Variants in TMPRSS9 observed in about 807,000 individuals in gnomAD.
TMPRSS9 encodes the protein transmembrane serine protease 9.
Under a neutral mutation model 111.4 loss-of-function variants are expected in TMPRSS9, and 113 were observed. That is an observed-to-expected ratio of 1.01 (90% CI 0.87 to 1.19). The LOEUF is 1.19. Ranked by LOEUF, TMPRSS9 falls within the 50% of genes most tolerant of loss-of-function variation. The pLI is 0.00. For missense variants in TMPRSS9, 1,803 were observed against 1,513.1 expected, an observed-to-expected ratio of 1.19 and a Z score of -3.18; for synonymous variants, 805 against 659.1, an observed-to-expected ratio of 1.22 and a Z score of -3.39.
At chr19:2,386,194 C>T (rs1970471155), upstream of TMPRSS9, among the ~76,000 whole-genome samples, 1 of 152,142 alleles carries the variant, frequency 6.6e-6, no homozygotes, top group South Asian at 2.1e-4. Flanking sequence ...AAGCGATTGT[C>T]CTGCCGCGGC....
chr19:2,362,649 T>C lies in TMPRSS9; in HGVS notation c.-26+2289T>C, dbSNP rs144249975. On this transcript the variant is annotated intron_variant, in intron 1 of 17. Transcript: ENST00000649857. The stretch of plus-strand genomic sequence containing the variant: ...GTCTGTATGACTGTGTATGGTGGAG[T>C]TGTGATTGTATCAGTGTATGACTAT... Among the ~76,000 whole-genome samples the C allele has an allele frequency of 6.0e-3, 916 of 152,166 alleles. 12 individuals carry two copies. Among genetic ancestry groups the C allele is most frequent in the African/African-American group, 0.021 (872 of 41,504 alleles).
chr19:2,409,592 T>A (rs1599303352), intron 8 of TMPRSS9, among the ~76,000 whole-genome samples: 2 of 151,076 alleles, frequency 1.3e-5, no homozygotes, highest in Middle Eastern at 6.8e-3. Flanking sequence ...AAAAATAAGG[T>A]GGGGGTGGCA....
chr19:2,416,829 G>T lies in TMPRSS9; in HGVS notation c.2017+20G>T, dbSNP rs1016497557. The T allele has an allele frequency of 3.8e-6, 6 of 1,585,934 alleles. No individual in the cohort carries two copies. Among genetic ancestry groups the T allele is most frequent in the Non-Finnish European group, 4.3e-6 (5 of 1,167,734 alleles). ...GAAATGGTGAGCGCTGCCCCATCGA[G>T]GGGAACGGTGGATTTATTCTCCAGG... On this transcript the variant is annotated intron_variant, in intron 12 of 17. Transcript: ENST00000648592.
intron 12 of TMPRSS9, 138 bp downstream of exon 13, chr19:2,416,947 T>C: frequency 8.3e-7 from 1 of 1,201,630 alleles, no homozygotes; most frequent in Non-Finnish European, 1.1e-6. Context: ...TCCCTTTGTC[T>C]TTGGTCCCGC....
chr19:2,379,615 C>CCCTTTCTTTCTTTCTTTCTTTCTTTCTT, intron 1 of TMPRSS9, among the ~76,000 whole-genome samples: 1 of 118,618 alleles, frequency 8.4e-6, no homozygotes, highest in Non-Finnish European at 1.8e-5. Flanking sequence ...AACTTTCTTT[C>CCCTTTCTTTCTTTCTTTCTTTCTTTCTT]TCTTTCTTTC....
exon 6 of TMPRSS9, chr19:2,403,186 G>T: frequency 6.2e-7 from 1 of 1,606,930 alleles, no homozygotes; most frequent in Non-Finnish European, 8.5e-7. Flanking sequence ...GTCCGACGAG[G>T]CGCACTGCGG....
chr19:2,377,987 A>G (rs77670399), intron 1 of TMPRSS9, among the ~76,000 whole-genome samples: 15,575 of 151,010 alleles, frequency 0.1, 1,526 homozygotes, highest in African/African-American at 0.27. Flanking sequence ...GAACCCTCCC[A>G]CCTCAGCCTC....
chr19:2,392,146 C>A (rs538313589), intron 1 of TMPRSS9, among the ~76,000 whole-genome samples: 27 of 151,636 alleles, frequency 1.8e-4, no homozygotes, highest in Non-Finnish European at 3.7e-4. Context: ...CTCAGGAGTT[C>A]GAGACCAACC....
chr19:2,422,441 CG>C (rs1971488756), intron 14 of TMPRSS9, among the ~76,000 whole-genome samples, 194 bp downstream of exon 15: 2 of 152,014 alleles, frequency 1.3e-5, no homozygotes, highest in South Asian at 4.1e-4. Context: ...ATTAGCCAGG[CG>C]TGGTGGTGGG....
At chr19:2,373,498 G>A (rs1272293823) in intron 1 of TMPRSS9, among the ~76,000 whole-genome samples, 9 of 152,078 alleles carry the variant, frequency 5.9e-5, no homozygotes, top group African/African-American at 1.9e-4. Flanking sequence ...CCAAAGTGCT[G>A]GGATTACAGG....
intron 9 of TMPRSS9, among the ~76,000 whole-genome samples, chr19:2,412,211 T>C (rs980238469): frequency 2.7e-5 from 4 of 149,706 alleles, no homozygotes; most frequent in South Asian, 2.1e-4. Flanking sequence ...TAGGGCAACA[T>C]AGCAAAACTT....
exon 12 of TMPRSS9, chr19:2,416,595 C>G (rs766170841): frequency 3.1e-6 from 5 of 1,612,190 alleles, no homozygotes; most frequent in Non-Finnish European, 4.2e-6. Flanking sequence ...TGGGCCTGGG[C>G]GGGAGCCCGG....
intron 4 of TMPRSS9, among the ~76,000 whole-genome samples, chr19:2,400,776 C>G (rs1198299822): frequency 6.7e-6 from 1 of 149,110 alleles, no homozygotes; most frequent in Non-Finnish European, 1.5e-5. Flanking sequence ...GAGTTTGAGA[C>G]CAGCCGGGCC....
chr19:2,393,336 T>G (rs976830096), intron 1 of TMPRSS9, among the ~76,000 whole-genome samples: 2 of 151,868 alleles, frequency 1.3e-5, no homozygotes, highest in Non-Finnish European at 2.9e-5. Flanking sequence ...AATGAACAAC[T>G]CCAGACACGC....
intron 1 of TMPRSS9, 54 bp downstream of exon 2, chr19:2,389,981 C>A: frequency 6.4e-7 from 1 of 1,569,888 alleles, no homozygotes; most frequent in South Asian, 1.1e-5. Flanking sequence ...TGTGCAAAGT[C>A]ACCGGGAAGT....
At chr19:2,418,214 T>C in intron 13 of TMPRSS9, 76 bp downstream of exon 14, 2 of 1,586,234 alleles carry the variant, frequency 1.3e-6, no homozygotes, top group Non-Finnish European at 1.7e-6. Context: ...GTTCTTTGTG[T>C]GCAGACCTAG....
intron 2 of TMPRSS9, among the ~76,000 whole-genome samples, chr19:2,398,398 C>T (rs753709870): frequency 3.3e-5 from 5 of 151,848 alleles, no homozygotes; most frequent in Admixed American, 1.3e-4. Flanking sequence ...GCAGGTGGAT[C>T]ACAAGGTCAG....
At chr19:2,365,304 A>G (rs752780947) in intron 1 of TMPRSS9, among the ~76,000 whole-genome samples, 27 of 152,054 alleles carry the variant, frequency 1.8e-4, no homozygotes, top group Non-Finnish European at 3.1e-4. Context: ...ACCTCTTCCC[A>G]TGAAAGCCTA....
chr19:2,426,193 G>T, exon 18 of TMPRSS9: 1 of 880,392 alleles, frequency 1.1e-6, no homozygotes, highest in Non-Finnish European at 1.5e-6. Context: ...GGGTGTGGGG[G>T]GGCTGTGGGT....
Sources: allele counts gnomAD v4.1 joint callset (sites outside exome capture counted in the v4.1 genomes callset), GRCh38; gene constraint gnomAD v4.1.1; transcripts MANE v1.5; gene names NCBI Gene and HGNC (gene_info 2026-07-23, HGNC 2026-07-21).